Variants in ST18 observed in about 807,000 individuals in gnomAD.
ST18 encodes the protein ST18 C2H2C-type zinc finger transcription factor.
Under a neutral mutation model 110.0 loss-of-function variants are expected in ST18, and 50 were observed. That is an observed-to-expected ratio of 0.45 (90% CI 0.36 to 0.58). The LOEUF (loss-of-function observed/expected upper bound fraction) is 0.58. Ranked by LOEUF, ST18 falls within the 20% of genes least tolerant of loss-of-function variation. The probability of loss-of-function intolerance (pLI) is 0.00; values close to 1 mark genes in which losing one functional copy is unlikely to be tolerated. For synonymous variants in ST18, 461 were observed against 452.4 expected, an observed-to-expected ratio of 1.02 and a Z score of -0.24; for missense variants, 1,306 against 1,280.1, an observed-to-expected ratio of 1.02 and a Z score of -0.31.
intron 8 of ST18, among the ~76,000 whole-genome samples, chr8:52,209,429 T>C (rs1027145998): frequency 6.6e-6 from 1 of 152,128 alleles, no homozygotes; most frequent in African/African-American, 2.4e-5. Context: ...AGTGAGATAA[T>C]AGAGGTTAAG....
Position 52,138,516 on chromosome 8 carries a change from C to T in ST18, c.2169-1033G>A, listed in dbSNP as rs536951390. ...GGAGGATTGCTTGAGCCTAGGAGTT[C>T]GAGCCTGCAGTGAGCTATGATTGTG... On this transcript the variant is annotated intron_variant, in intron 17 of 25. Coordinates refer to ENST00000689386, the MANE Select transcript of ST18 (RefSeq NM_001352837.2). Among the ~76,000 whole-genome samples the T allele has an allele frequency of 7.4e-4, 112 of 152,278 alleles. 1 individual carries two copies. The highest frequency in any genetic ancestry group is 2.1e-3 in the Admixed American group (32 of 15,290).
Position 52,139,416 on chromosome 8 carries a change from C to T in ST18, c.2169-1933G>A, listed in dbSNP as rs749999791. Among the ~76,000 whole-genome samples the T allele has an allele frequency of 3.9e-5, 6 of 151,980 alleles. No individual in the cohort carries two copies. In the East Asian group the frequency reaches 5.8e-4, roughly 15 times the overall value. ...TGTCGCTCAGGCTGGAGTACAGTGG[C>T]GCAATCTCGGCTCACTGCAAACTTC... On this transcript the variant is annotated intron_variant, in intron 17 of 25. Transcript: ENST00000689386.
intron 10 of ST18, among the ~76,000 whole-genome samples, chr8:52,171,415 C>G (rs1174658293): frequency 6.6e-6 from 1 of 152,088 alleles, no homozygotes; most frequent in Non-Finnish European, 1.5e-5. Context: ...TTAGATAATC[C>G]AAGAATGAGG....
At chr8:52,262,434 G>A (rs924667818) in intron 2 of ST18, among the ~76,000 whole-genome samples, 1 of 152,158 alleles carries the variant, frequency 6.6e-6, no homozygotes, top group African/African-American at 2.4e-5. Context: ...AACAAAATCT[G>A]TAAGCTTTAT....
intron 2 of ST18, among the ~76,000 whole-genome samples, chr8:52,396,423 C>G (rs1305715969): frequency 6.6e-6 from 1 of 152,078 alleles, no homozygotes; most frequent in Non-Finnish European, 1.5e-5. Context: ...CAGCTTTATC[C>G]ATGTGGTGGC....
At chr8:52,285,224 T>C (rs1481257568) in intron 2 of ST18, among the ~76,000 whole-genome samples, 1 of 152,240 alleles carries the variant, frequency 6.6e-6, no homozygotes, top group African/African-American at 2.4e-5. Context: ...TATTCATCAT[T>C]GCCATAACGC....
intron 2 of ST18, among the ~76,000 whole-genome samples, chr8:52,353,693 C>T (rs184378968): frequency 2.0e-5 from 3 of 152,250 alleles, no homozygotes; most frequent in Non-Finnish European, 4.4e-5. Context: ...TAGGGGAAAT[C>T]AACTAAAACT....
chr8:52,238,054 C>T (rs1241918176), intron 2 of ST18, among the ~76,000 whole-genome samples: 2 of 152,262 alleles, frequency 1.3e-5, no homozygotes, highest in African/African-American at 2.4e-5. Flanking sequence ...ATAAAAAAGA[C>T]TGACAATAGC....
chr8:52,250,445 C>CAAAAAAAAAAAAAA lies in ST18; in HGVS notation c.-464-20382_-464-20369dup, dbSNP rs1159770176. 7.0e-4 allele frequency among the ~76,000 whole-genome samples: 3 copies of CAAAAAAAAAAAAAA among 4,280 alleles called. 1 individual carries two copies. Among genetic ancestry groups the CAAAAAAAAAAAAAA allele is most frequent in the African/African-American group, 9.8e-4 (1 of 1,018 alleles). 2.8% of individuals were successfully genotyped at this position (4,280 alleles called of 152,430 possible). A position where few individuals can be genotyped will look rare whatever the true frequency, so the allele number is the denominator to read the frequency against. ...TGACACTGTGGAAGAGCCTCAAAGG[C>CAAAAAAAAAAAAAA]AAAAAAAAAAAAAAAAAAAAAAAAA... On this transcript the variant is annotated intron_variant, in intron 2 of 25. Coordinates refer to ENST00000689386, the MANE Select transcript of ST18 (RefSeq NM_001352837.2).
intron 11 of ST18, among the ~76,000 whole-genome samples, chr8:52,165,734 G>C (rs998534892): frequency 6.6e-5 from 10 of 152,220 alleles, no homozygotes; most frequent in African/African-American, 2.4e-4. Context: ...CAGAGAACCA[G>C]TCTGAGGAAC....
At chr8:52,227,949 C>A (rs1048281686) in intron 3 of ST18, among the ~76,000 whole-genome samples, 2 of 152,150 alleles carry the variant, frequency 1.3e-5, no homozygotes, top group Admixed American at 1.3e-4. Context: ...GTGCTCAATA[C>A]ATTATTATTG....
chr8:52,242,017 A>G (rs1012434116), intron 2 of ST18, among the ~76,000 whole-genome samples: 1 of 152,200 alleles, frequency 6.6e-6, no homozygotes. Context: ...AAATGATTTT[A>G]AATACAGTTT....
chr8:52,147,345 C>T (rs1392799551), intron 16 of ST18, among the ~76,000 whole-genome samples: 2 of 152,064 alleles, frequency 1.3e-5, no homozygotes, highest in Non-Finnish European at 2.9e-5. Context: ...ATCTCATTTT[C>T]TGGCTTTCTG....
chr8:52,392,669 A>T (rs1839701890), intron 2 of ST18, among the ~76,000 whole-genome samples: 1 of 152,210 alleles, frequency 6.6e-6, no homozygotes, highest in Non-Finnish European at 1.5e-5. Context: ...CACTCCACAG[A>T]GTGGTGGCAG....
At chr8:52,222,671 C>T (rs62501031) in intron 3 of ST18, among the ~76,000 whole-genome samples, 33,943 of 152,140 alleles carry the variant, frequency 0.22, 4,261 homozygotes, top group African/African-American at 0.33. Context: ...CCTTGGCAGA[C>T]ACCAAAAGGA....
chr8:52,370,948 C>A (rs1445806462), intron 2 of ST18, among the ~76,000 whole-genome samples: 1 of 152,162 alleles, frequency 6.6e-6, no homozygotes, highest in Non-Finnish European at 1.5e-5. Flanking sequence ...AATGTAGTGG[C>A]TTTTATAGTA....
At chr8:52,246,478 G>A (rs2093865262) in intron 2 of ST18, 1 of 152,154 alleles carries the variant, frequency 6.6e-6, no homozygotes, top group Non-Finnish European at 1.5e-5. Flanking sequence ...AAGTTGAAGT[G>A]TAATAAAATT....
At chr8:52,346,133 C>T (rs919602896) in intron 2 of ST18, among the ~76,000 whole-genome samples, 1 of 151,258 alleles carries the variant, frequency 6.6e-6, no homozygotes, top group Admixed American at 6.6e-5. Flanking sequence ...ATTATATTCA[C>T]ACAATGAGAA....
At chr8:52,136,734 TGA>T in intron 18 of ST18, 76 bp from the exon 19 acceptor site, 5 of 1,240,758 alleles carry the variant, frequency 4.0e-6, no homozygotes, top group Non-Finnish European at 5.7e-6. Context: ...TCCTGAGTCG[TGA>T]ACATACGTTA....
Sources: allele counts gnomAD v4.1 joint callset (sites outside exome capture counted in the v4.1 genomes callset), GRCh38; gene constraint gnomAD v4.1.1; transcripts MANE v1.5; gene names NCBI Gene and HGNC (gene_info 2026-07-23, HGNC 2026-07-21).